SART3: variants seen among roughly 807,000 people sequenced by gnomAD.
SART3 encodes the protein HIV-1 Tat-interacting protein of 110kDa.
Under a neutral mutation model 122.3 loss-of-function variants are expected in SART3, and 44 were observed. The observed-to-expected ratio is 0.36, with a 90% CI of 0.28 to 0.46. The LOEUF (loss-of-function observed/expected upper bound fraction) is 0.46, where lower values mean the gene tolerates loss of function less well. Among genes scored for constraint, SART3 ranks in the 20% least tolerant of loss-of-function variants. SART3 has a pLI of 1.00. For missense variants in SART3, 1,101 were observed against 1,229.0 expected (o/e 0.90, Z 1.56); for synonymous variants, 442 against 454.0 (o/e 0.97, Z 0.34).
Position 108,553,962 on chromosome 12 carries a change from G to C in SART3, c.313-4748C>G, listed in dbSNP as rs576475618. The C allele has an allele frequency of 2.6e-5, 4 of 152,188 alleles. No homozygotes were observed. In the South Asian group the frequency reaches 6.2e-4, roughly 24 times the overall value. The allele number at this position is 152,188 out of a possible 1,614,324, so 9.4% of individuals were successfully genotyped here. A position where few individuals can be genotyped will look rare whatever the true frequency, so the allele number is the denominator to read the frequency against. On this transcript the variant is annotated intron_variant, in intron 1 of 18. Transcript: ENST00000546815. ...CTCTCCAGCTACATCTCAAACCACC[G>C]GCCTCTCAACATGGCAGCCAGCTTC...
intron 1 of SART3, among the ~76,000 whole-genome samples, chr12:108,555,068 GAGA>G (rs747879604): frequency 1.5e-4 from 23 of 152,158 alleles, no homozygotes; most frequent in Non-Finnish European, 3.2e-4. Context: ...GGGAAGGAAG[GAGA>G]AGGAGAGCTG....
At chr12:108,544,870 T>C (rs755886601) in intron 4 of SART3, 109 of 578,982 alleles carry the variant, frequency 1.9e-4, no homozygotes, top group Middle Eastern at 1.4e-3. Flanking sequence ...TGGCCAACTC[T>C]GGTTCTTTCT....
intron 16 of SART3, 115 bp from the exon 17 acceptor site, chr12:108,525,724 C>T: frequency 9.1e-7 from 1 of 1,093,534 alleles, no homozygotes; most frequent in Admixed American, 1.8e-5. Flanking sequence ...AGACTAGAGC[C>T]AAGCCATGCT....
chr12:108,522,333 C>G lies in SART3; in HGVS notation c.*1124G>C, dbSNP rs549482344. Among the ~76,000 whole-genome samples, 6 of 152,250 alleles carry G rather than the reference C, an allele frequency of 3.9e-5. No individual in the cohort carries two copies. The highest frequency in any genetic ancestry group is 1.2e-4 in the African/African-American group (5 of 41,540). On this transcript the variant is annotated 3_prime_UTR_variant, in exon 19 of 19. Transcript: ENST00000546815. ...TGATGCACAAAAACTTAAACTTACG[C>G]AACAGATAAATGAGGAGTTGATTCC...
intron 1 of SART3, among the ~76,000 whole-genome samples, chr12:108,558,291 G>A (rs1316917577): frequency 6.6e-6 from 1 of 152,244 alleles, no homozygotes; most frequent in Non-Finnish European, 1.5e-5. Context: ...GTTACAGCAG[G>A]AAGAAGCAGC....
chr12:108,549,458 C>A (rs925955251), intron 1 of SART3: 43 of 473,592 alleles, frequency 9.1e-5, no homozygotes, highest in Non-Finnish European at 1.3e-4. Flanking sequence ...CATTTGGGTT[C>A]TCTTGGAAAT....
In SART3 at chr12:108,549,069, C is replaced by G; in HGVS notation, c.439+19G>C. The G allele has an allele frequency of 2.5e-6, 4 of 1,613,942 alleles. No individual in the cohort carries two copies. The highest frequency in any genetic ancestry group is 3.4e-6 in the Non-Finnish European group (4 of 1,179,822). ...GCCTTGTTTCTGTTTCTAAAAGCAG[C>G]CTGACTGCTGAAGCTTACCTTCAGT... On this transcript the variant is annotated intron_variant, in intron 2 of 18. Coordinates refer to ENST00000546815, the MANE Select transcript of SART3 (RefSeq NM_014706.4).
At chr12:108,528,007 CGCCCACCTCA>C (rs1220588302) in intron 15 of SART3, among the ~76,000 whole-genome samples, 5 of 152,028 alleles carry the variant, frequency 3.3e-5, no homozygotes, top group African/African-American at 1.2e-4. Flanking sequence ...TCAGGTGATC[CGCCCACCTCA>C]GCCTCCCAGA....
rs781563549 is a variant in SART3, at chr12:108,523,490, A to G, written c.2859T>C (p.Asn953=). Residue 953 remains asparagine, a synonymous_variant, in exon 19 of 19, where the codon AAT becomes AAC. Coordinates refer to ENST00000546815, the MANE Select transcript of SART3 (RefSeq NM_014706.4). ...PAATEAPKMS[N]ADFAKLFLRK Reference sequence around the variant, plus strand: ...TCAGAAACAGCTTGGCAAAATCGGCATTGGACATCTTGGGTGCCTCGGTGG... The same window carrying G: ...TCAGAAACAGCTTGGCAAAATCGGCGTTGGACATCTTGGGTGCCTCGGTGG... The G allele has an allele frequency of 1.1e-5, 17 of 1,612,894 alleles. No individual in the cohort carries two copies. The highest frequency in any genetic ancestry group is 1.4e-5 in the Non-Finnish European group (16 of 1,180,000).
intron 9 of SART3, 172 bp from the exon 10 acceptor site, chr12:108,536,957 A>C: frequency 1.5e-6 from 1 of 661,856 alleles, no homozygotes; most frequent in African/African-American, 1.8e-5. Flanking sequence ...GGAGAAAGAA[A>C]TTTGAACAGA....
chr12:108,531,188 C>T lies in SART3; in HGVS notation c.1746+16G>A, dbSNP rs773682435. On this transcript the variant is annotated intron_variant, in intron 14 of 18. Transcript: ENST00000546815. Reference sequence around the variant, plus strand: ...TAGCTACCAGAGGTGCCAAAGACTTCAAACATTGTCATTACCTTCATTCTC... The same window carrying T: ...TAGCTACCAGAGGTGCCAAAGACTTTAAACATTGTCATTACCTTCATTCTC... 1 of 1,612,758 alleles carries T rather than the reference C, an allele frequency of 6.2e-7. No homozygotes were observed. Among genetic ancestry groups the T allele is most frequent in the African/African-American group, 1.3e-5 (1 of 75,026 alleles).
rs1872199399 is a variant in SART3, at chr12:108,523,089, G to A, written c.*368C>T. On this transcript the variant is annotated 3_prime_UTR_variant, in exon 19 of 19. Coordinates refer to ENST00000546815, the MANE Select transcript of SART3 (RefSeq NM_014706.4). ...GACGGGCACATGTGCTGTGCAGGGT[G>A]GAAGAGAAGTGTCATACAAAAAGGG... 2 of 347,086 alleles carry A rather than the reference G, an allele frequency of 5.8e-6. No individual in the cohort carries two copies. Among genetic ancestry groups the A allele is most frequent in the East Asian group, 6.7e-5 (1 of 14,846 alleles). The allele number at this position is 347,086 out of a possible 1,614,324, so 21.5% of individuals were successfully genotyped here.
chr12:108,557,760 C>A (rs931147670), intron 1 of SART3, among the ~76,000 whole-genome samples: 15 of 152,224 alleles, frequency 9.9e-5, no homozygotes, highest in African/African-American at 3.4e-4. Flanking sequence ...ACTGACAAAT[C>A]TGCCGAAGCC....
chr12:108,547,834 G>C (rs1034098098), intron 3 of SART3, 53 bp downstream of exon 3: 4 of 1,311,226 alleles, frequency 3.1e-6, no homozygotes, highest in Admixed American at 3.4e-5. Context: ...CTCAACAGCA[G>C]ACTGATATAT....
intron 1 of SART3, among the ~76,000 whole-genome samples, chr12:108,555,929 G>A (rs75331512): frequency 0.083 from 12,684 of 152,234 alleles, 648 homozygotes; most frequent in South Asian, 0.21. Flanking sequence ...TTAGCAATAA[G>A]TTAATCAGTG....
intron 15 of SART3, among the ~76,000 whole-genome samples, chr12:108,529,112 G>C (rs1306054913): frequency 1.3e-5 from 2 of 152,140 alleles, no homozygotes; most frequent in African/African-American, 4.8e-5. Context: ...AACAAAGCGA[G>C]ACTCTGTCTC....
rs559146061 is a variant in SART3, at chr12:108,532,958, T to C, written c.1557-624A>G. Among the ~76,000 whole-genome samples the C allele has an allele frequency of 3.3e-5, 5 of 152,328 alleles. No homozygotes were observed. In the South Asian group the frequency reaches 1.0e-3, roughly 32 times the overall value. ...TAATAGAGACAGGTTTTCACCAGGTTGGCAAGGCTGGTCGCAAACAGATCC... is the reference window on the plus strand; with the variant it reads ...TAATAGAGACAGGTTTTCACCAGGTCGGCAAGGCTGGTCGCAAACAGATCC... On this transcript the variant is annotated intron_variant, in intron 12 of 18. Coordinates refer to ENST00000546815, the MANE Select transcript of SART3 (RefSeq NM_014706.4).
chr12:108,561,132 G>A lies in SART3; in HGVS notation c.23C>T (p.Ser8Leu), dbSNP rs181130067. The change falls in exon 1 of 19, where the codon TCG becomes TTG. Residue 8 changes from serine to leucine, a missense_variant. Coordinates refer to ENST00000546815, the MANE Select transcript of SART3 (RefSeq NM_014706.4). MATAAET[S>L]ASEPEAESKA... The stretch of plus-strand genomic sequence containing the variant: ...GGACTCAGCCTCGGGTTCTGAAGCC[G>A]AGGTTTCGGCCGCAGTCGCCATCTT... 3.1e-6 allele frequency: 5 copies of A among 1,613,422 alleles called. No homozygotes were observed. In the Admixed American group the frequency reaches 5.0e-5, roughly 16 times the overall value.
intron 6 of SART3, 75 bp downstream of exon 6, chr12:108,542,953 A>G: frequency 6.4e-7 from 1 of 1,565,846 alleles, no homozygotes; most frequent in South Asian, 1.1e-5. Context: ...TTTTAAAGAT[A>G]CTGTTTAACT....
Sources: gnomAD v4.1 joint callset for allele counts (sites outside exome capture counted in the v4.1 genomes callset) on GRCh38, gnomAD v4.1.1 for gene constraint, MANE v1.5 for transcripts, NCBI Gene and HGNC (gene_info 2026-07-23, HGNC 2026-07-21) for gene names.